Variants in SPTLC3 observed in about 807,000 individuals in gnomAD.
The protein encoded by SPTLC3 is serine palmitoyltransferase long chain base subunit 3, also known as serine palmitoyltransferase 3.
SPTLC3 carries 36 observed loss-of-function variants against 59.3 expected under a neutral mutation model. The observed-to-expected ratio is 0.61, with a 90% confidence interval of 0.47 to 0.80. The LOEUF (loss-of-function observed/expected upper bound fraction) is 0.80, where lower values mean the gene tolerates loss of function less well. Ranked by LOEUF, SPTLC3 falls within the 30% of genes least tolerant of loss-of-function variation. The probability of loss-of-function intolerance (pLI) is 0.00; values close to 1 mark genes in which losing one functional copy is unlikely to be tolerated. For synonymous variants in SPTLC3, 257 were observed against 240.8 expected (o/e 1.07, Z -0.62); for missense variants, 625 against 685.1 (o/e 0.91, Z 0.98).
intron 1 of SPTLC3, among the ~76,000 whole-genome samples, chr20:13,030,047 C>T (rs1479294430): frequency 6.6e-6 from 1 of 152,096 alleles, no homozygotes; most frequent in Non-Finnish European, 1.5e-5. Flanking sequence ...TATTTTGATT[C>T]AAAAAGAAAA....
At chr20:13,040,046 C>T (rs907953586) in intron 1 of SPTLC3, among the ~76,000 whole-genome samples, 1 of 147,910 alleles carries the variant, frequency 6.8e-6, no homozygotes, top group Admixed American at 6.8e-5. Flanking sequence ...TATGCATGTA[C>T]GTGTGTGTGT....
chr20:13,102,056 A>G (rs1271817093), intron 6 of SPTLC3, among the ~76,000 whole-genome samples: 4 of 152,178 alleles, frequency 2.6e-5, no homozygotes, highest in Non-Finnish European at 4.4e-5. Context: ...TCTGCCTACT[A>G]AAGACCAAGA....
chr20:13,098,278 C>A (rs1471629201), intron 6 of SPTLC3, among the ~76,000 whole-genome samples: 3 of 152,070 alleles, frequency 2.0e-5, no homozygotes, highest in African/African-American at 7.2e-5. Flanking sequence ...ATGATATATG[C>A]AACTTTGTCT....
chr20:13,108,507 C>T (rs562465938), intron 6 of SPTLC3, among the ~76,000 whole-genome samples: 13 of 152,314 alleles, frequency 8.5e-5, no homozygotes, highest in African/African-American at 3.1e-4. Context: ...TAAGCCAATG[C>T]ACATACGCTT....
intron 7 of SPTLC3, among the ~76,000 whole-genome samples, chr20:13,113,576 A>C (rs1990363361): frequency 6.6e-6 from 1 of 152,230 alleles, no homozygotes; most frequent in Non-Finnish European, 1.5e-5. Context: ...ATTATTATTC[A>C]TATGTAGAAT....
At position 13,110,944 on chromosome 20, in the gene SPTLC3, G is replaced by A. The variant is rs1230637211; in HGVS notation, c.932+727G>A. The stretch of plus-strand genomic sequence containing the variant: ...GACAAGGAGGAGTGTGGCTACAAAG[G>A]AGACTTGAGGATAGACATAGGATTT... On this transcript the variant is annotated intron_variant, in intron 7 of 11. Coordinates refer to ENST00000399002, the MANE Select transcript of SPTLC3 (RefSeq NM_018327.4). 8.5e-5 allele frequency among the ~76,000 whole-genome samples: 13 copies of A among 152,048 alleles called. 1 individual carries two copies. Among genetic ancestry groups the A allele is most frequent in the Admixed American group, 7.2e-4 (11 of 15,262 alleles).
chr20:13,122,319 C>T (rs1373024405), intron 8 of SPTLC3, among the ~76,000 whole-genome samples: 3 of 152,130 alleles, frequency 2.0e-5, no homozygotes, highest in Admixed American at 2.0e-4. Flanking sequence ...TGATTTAGTA[C>T]CATATAGATG....
chr20:13,029,756 T>A (rs901509720), intron 1 of SPTLC3, among the ~76,000 whole-genome samples: 3 of 152,170 alleles, frequency 2.0e-5, no homozygotes, highest in Non-Finnish European at 2.9e-5. Context: ...CTAAGTGTAA[T>A]CTGTAAGGAT....
At chr20:13,022,618 C>T (rs907501443) in intron 1 of SPTLC3, among the ~76,000 whole-genome samples, 3 of 152,262 alleles carry the variant, frequency 2.0e-5, no homozygotes, top group African/African-American at 7.2e-5. Context: ...AAGGGTGAGA[C>T]AAGCCAGGAC....
intron 4 of SPTLC3, among the ~76,000 whole-genome samples, chr20:13,090,270 T>A (rs866914291): frequency 6.6e-6 from 1 of 152,250 alleles, no homozygotes; most frequent in Middle Eastern, 3.2e-3. Flanking sequence ...TGGTAACCTC[T>A]TAAGCCTCAG....
intron 2 of SPTLC3, among the ~76,000 whole-genome samples, chr20:13,067,099 A>ATG (rs1988250541): frequency 4.9e-5 from 1 of 20,378 alleles, no homozygotes; most frequent in African/African-American, 1.9e-4. Flanking sequence ...ATATATATAT[A>ATG]TATGTATTCA....
intron 2 of SPTLC3, among the ~76,000 whole-genome samples, chr20:13,060,733 TTAAGA>T (rs1439099674): frequency 3.3e-5 from 5 of 152,078 alleles, no homozygotes; most frequent in Admixed American, 6.6e-5. Flanking sequence ...GTTGTTTCAC[TTAAGA>T]TAACAGCCTA....
intron 10 of SPTLC3, among the ~76,000 whole-genome samples, chr20:13,159,201 C>T (rs2038840784): frequency 6.6e-6 from 1 of 152,210 alleles, no homozygotes; most frequent in Non-Finnish European, 1.5e-5. Flanking sequence ...GGGAAGGAAT[C>T]ATAGCTTATG....
chr20:13,039,039 T>G (rs1986860464), intron 1 of SPTLC3, among the ~76,000 whole-genome samples: 1 of 152,156 alleles, frequency 6.6e-6, no homozygotes, highest in South Asian at 2.1e-4. Context: ...TATTGAGGCT[T>G]ATTTTATGAC....
chr20:13,048,222 T>C (rs1260976150), intron 1 of SPTLC3, among the ~76,000 whole-genome samples: 2 of 152,178 alleles, frequency 1.3e-5, no homozygotes, highest in African/African-American at 2.4e-5. Context: ...TGGTCCACAT[T>C]TGGATTTCCA....
chr20:13,141,220 T>C (rs938174171), intron 9 of SPTLC3, among the ~76,000 whole-genome samples: 5 of 152,238 alleles, frequency 3.3e-5, no homozygotes, highest in Non-Finnish European at 7.3e-5. Flanking sequence ...ACATTGATTG[T>C]CTTCAGTGCA....
At chr20:13,062,133 T>C (rs1988001518) in intron 2 of SPTLC3, among the ~76,000 whole-genome samples, 1 of 152,148 alleles carries the variant, frequency 6.6e-6, no homozygotes, top group South Asian at 2.1e-4. Context: ...TATCTGCATA[T>C]CTCACTCTTT....
At chr20:13,155,383 T>C (rs1262078622) in intron 10 of SPTLC3, among the ~76,000 whole-genome samples, 5 of 152,188 alleles carry the variant, frequency 3.3e-5, no homozygotes, top group African/African-American at 1.2e-4. Context: ...GGCAGAGTAC[T>C]TGAAGTATTG....
chr20:13,039,542 G>C (rs1986882523), intron 1 of SPTLC3, among the ~76,000 whole-genome samples: 1 of 151,990 alleles, frequency 6.6e-6, no homozygotes, highest in Non-Finnish European at 1.5e-5. Context: ...TTTAGAGTTA[G>C]ATTTGATTTT....
Sources: allele counts gnomAD v4.1 joint callset (sites outside exome capture counted in the v4.1 genomes callset), GRCh38; gene constraint gnomAD v4.1.1; transcripts MANE v1.5; gene names NCBI Gene and HGNC (gene_info 2026-07-23, HGNC 2026-07-21).